Variants in CD44 observed in about 807,000 individuals in gnomAD.
CD44 encodes the protein CD44 antigen.
Under a neutral mutation model 88.8 loss-of-function variants are expected in CD44, and 49 were observed. That is an observed-to-expected ratio of 0.55 (90% CI 0.44 to 0.70). The LOEUF (loss-of-function observed/expected upper bound fraction) is 0.70. Among genes scored for constraint, CD44 ranks in the 30% least tolerant of loss-of-function variants. The pLI, the probability that CD44 is intolerant of heterozygous loss-of-function variation, is 0.00. For missense variants in CD44, 883 were observed against 913.8 expected, an observed-to-expected ratio of 0.97 and a Z score of 0.43; for synonymous variants, 325 against 312.3, an observed-to-expected ratio of 1.04 and a Z score of -0.43.
chr11:35,223,217 A>G (rs371167973), intron 17 of CD44: 1 of 985,306 alleles, frequency 1.0e-6, no homozygotes, highest in African/African-American at 1.7e-5. Context: ...AGTTGAATTT[A>G]AATAATGTGA....
chr11:35,150,450 G>A (rs900218769), intron 1 of CD44, among the ~76,000 whole-genome samples: 1 of 152,118 alleles, frequency 6.6e-6, no homozygotes, highest in Non-Finnish European at 1.5e-5. Flanking sequence ...AGAAACTCTT[G>A]CTCAGGAAAA....
intron 2 of CD44, chr11:35,176,994 T>C (rs1944530788): frequency 9.7e-6 from 4 of 414,160 alleles, no homozygotes; most frequent in Non-Finnish European, 1.7e-5. Flanking sequence ...TGGAATCCTC[T>C]TGTCTAACCT....
chr11:35,164,076 G>C (rs1054112210), intron 1 of CD44, among the ~76,000 whole-genome samples: 26 of 152,040 alleles, frequency 1.7e-4, no homozygotes, highest in African/African-American at 6.0e-4. Flanking sequence ...AATATCACTG[G>C]AAAACCCAGC....
rs1447669065 is a variant in CD44 at position 35,176,638 on chromosome 11, T to C, written c.131T>C (p.Ile44Thr). ...GTGGAGAAAAATGGTCGCTACAGCATCTCTCGGACGGAGGCCGCTGACCTC... is the reference window on the plus strand; with the variant it reads ...GTGGAGAAAAATGGTCGCTACAGCACCTCTCGGACGGAGGCCGCTGACCTC... ...FHVEKNGRYS[I>T]SRTEAADLCK... Residue 44 changes from isoleucine (I) to threonine (T), a missense_variant, in exon 2 of 18, where the codon ATC (isoleucine) becomes ACC (threonine). Ile to Thr is a moderately conservative substitution (Grantham distance 89). Coordinates refer to ENST00000428726, the MANE Select transcript of CD44 (RefSeq NM_000610.4). 3.1e-6 allele frequency: 5 copies of C among 1,614,202 alleles called. No homozygotes were observed. The highest frequency in any genetic ancestry group is 4.2e-6 in the Non-Finnish European group (5 of 1,180,006).
At chr11:35,170,867 A>G (rs1411260896) in intron 1 of CD44, among the ~76,000 whole-genome samples, 1 of 152,186 alleles carries the variant, frequency 6.6e-6, no homozygotes, top group African/African-American at 2.4e-5. Flanking sequence ...TCTGTCAAGC[A>G]ATGTTCTGTG....
At chr11:35,180,741 A>G (rs1365201136) in intron 3 of CD44, among the ~76,000 whole-genome samples, 1 of 152,222 alleles carries the variant, frequency 6.6e-6, no homozygotes, top group African/African-American at 2.4e-5. Flanking sequence ...AATCACACAA[A>G]AAAAATCTCA....
intron 1 of CD44, among the ~76,000 whole-genome samples, chr11:35,147,544 G>C (rs1859405302): frequency 6.6e-6 from 1 of 152,016 alleles, no homozygotes; most frequent in Non-Finnish European, 1.5e-5. Flanking sequence ...ATCTGGCTCA[G>C]TCCACAGGAA....
chr11:35,165,858 A>G (rs1328391729), intron 1 of CD44, among the ~76,000 whole-genome samples: 1 of 152,188 alleles, frequency 6.6e-6, no homozygotes, highest in Non-Finnish European at 1.5e-5. Context: ...TCAGCAACCC[A>G]TGAATCAGCC....
chr11:35,157,341 A>G (rs1051916713), intron 1 of CD44, among the ~76,000 whole-genome samples: 10 of 151,752 alleles, frequency 6.6e-5, no homozygotes, highest in South Asian at 2.1e-4. Flanking sequence ...CTATCTATCT[A>G]TCTATCTATC....
intron 3 of CD44, among the ~76,000 whole-genome samples, chr11:35,182,434 A>G (rs1945241797): frequency 6.6e-6 from 1 of 152,162 alleles, no homozygotes; most frequent in South Asian, 2.1e-4. Flanking sequence ...ACGAAACAGG[A>G]ACAGAAAACT....
intron 1 of CD44, among the ~76,000 whole-genome samples, chr11:35,150,226 C>G (rs546265565): frequency 6.6e-6 from 1 of 152,258 alleles, no homozygotes; most frequent in Admixed American, 6.5e-5. Flanking sequence ...AATATTCAGA[C>G]AAAGCAGTAC....
At chr11:35,171,372 G>T (rs1943867267) in intron 1 of CD44, among the ~76,000 whole-genome samples, 1 of 152,196 alleles carries the variant, frequency 6.6e-6, no homozygotes, top group Admixed American at 6.5e-5. Context: ...TTAGGAGTTG[G>T]ACTTTCTCAT....
intron 10 of CD44, chr11:35,204,950 T>C (rs534762041): frequency 2.7e-5 from 7 of 263,100 alleles, no homozygotes; most frequent in African/African-American, 1.6e-4. Context: ...TGATAAAATA[T>C]CGCTGTCTGT....
intron 1 of CD44, among the ~76,000 whole-genome samples, chr11:35,172,376 T>G (rs1047175085): frequency 1.3e-5 from 2 of 152,228 alleles, no homozygotes; most frequent in African/African-American, 4.8e-5. Flanking sequence ...CACAATGGTT[T>G]TGGCAACCAC....
At chr11:35,148,223 T>C (rs1305133446) in intron 1 of CD44, among the ~76,000 whole-genome samples, 1 of 152,210 alleles carries the variant, frequency 6.6e-6, no homozygotes, top group Non-Finnish European at 1.5e-5. Flanking sequence ...AATGAGTAGC[T>C]ACTACATGCC....
intron 17 of CD44, 27 bp downstream of exon 17, chr11:35,221,759 A>G (rs1949321432): frequency 5.7e-6 from 9 of 1,591,316 alleles, no homozygotes; most frequent in Non-Finnish European, 7.8e-6. Flanking sequence ...GGGGCTTTCA[A>G]CTTGGAAAGG....
intron 12 of CD44, 59 bp downstream of exon 12, chr11:35,208,265 C>A: frequency 8.8e-7 from 1 of 1,142,228 alleles, no homozygotes; most frequent in South Asian, 1.2e-5. Flanking sequence ...ATCTCTTACT[C>A]GCTATTGGCC....
chr11:35,170,716 A>G (rs1182339427), intron 1 of CD44, among the ~76,000 whole-genome samples: 1 of 152,252 alleles, frequency 6.6e-6, no homozygotes, highest in Non-Finnish European at 1.5e-5. Context: ...TCAGCCATTT[A>G]GTATTAGCTT....
At chr11:35,195,414 AGGGGT>A (rs1016589892) in intron 5 of CD44, among the ~76,000 whole-genome samples, 1 of 151,718 alleles carries the variant, frequency 6.6e-6, no homozygotes, top group African/African-American at 2.4e-5. Context: ...AAGATCATGC[AGGGGT>A]GGGGAGGGGG....
Sources: gnomAD v4.1 joint callset for allele counts (sites outside exome capture counted in the v4.1 genomes callset) on GRCh38, gnomAD v4.1.1 for gene constraint, MANE v1.5 for transcripts, NCBI Gene and HGNC (gene_info 2026-07-23, HGNC 2026-07-21) for gene names.